Variants in ARHGAP10 observed in about 807,000 individuals in gnomAD.
The protein encoded by ARHGAP10 is Rho GTPase activating protein 10, also known as rho GTPase-activating protein 10.
Under a neutral mutation model 108.6 loss-of-function variants are expected in ARHGAP10, and 87 were observed. The observed-to-expected ratio is 0.80, with a 90% CI of 0.67 to 0.96. The LOEUF (loss-of-function observed/expected upper bound fraction) is 0.96, where lower values mean the gene tolerates loss of function less well. ARHGAP10 is among the 40% of genes least tolerant of loss of function. The pLI is 0.00. For missense variants in ARHGAP10, 939 were observed against 954.5 expected, an observed-to-expected ratio of 0.98 and a Z score of 0.21; for synonymous variants, 347 against 341.1, an observed-to-expected ratio of 1.02 and a Z score of -0.19.
chr4:147,744,128 T>C (rs1222127445), intron 1 of ARHGAP10, among the ~76,000 whole-genome samples: 1 of 152,156 alleles, frequency 6.6e-6, no homozygotes, highest in Non-Finnish European at 1.5e-5. Context: ...GTTGAATCAG[T>C]ATGGGATGCG....
chr4:147,873,922 C>T (rs1015035820), intron 7 of ARHGAP10, among the ~76,000 whole-genome samples: 3 of 151,070 alleles, frequency 2.0e-5, no homozygotes, highest in East Asian at 1.9e-4. Flanking sequence ...AAATGGAAGG[C>T]GAGAGGGAAC....
chr4:147,943,813 T>G (rs1397984276), intron 14 of ARHGAP10, among the ~76,000 whole-genome samples: 1 of 152,218 alleles, frequency 6.6e-6, no homozygotes, highest in Non-Finnish European at 1.5e-5. Context: ...TCACTGATTC[T>G]AAAGGACTGC....
chr4:147,872,152 C>G (rs1168198583), intron 7 of ARHGAP10, among the ~76,000 whole-genome samples: 1 of 149,162 alleles, frequency 6.7e-6, no homozygotes, highest in African/African-American at 2.5e-5. Flanking sequence ...AAATAAACCT[C>G]TGAGGAAGTT....
chr4:148,016,542 T>G (rs1317070360), intron 18 of ARHGAP10, among the ~76,000 whole-genome samples: 4 of 149,182 alleles, frequency 2.7e-5, no homozygotes, highest in Middle Eastern at 3.4e-3. Context: ...ATGCAAATTG[T>G]TTTTTTCTCT....
At position 147,912,548 on chromosome 4, in the gene ARHGAP10, AATATATATATATATAT is replaced by A. The variant is rs59663731; in HGVS notation, c.1163-490_1163-475del. On this transcript the variant is annotated intron_variant, in intron 12 of 22. Coordinates refer to ENST00000336498, the MANE Select transcript of ARHGAP10 (RefSeq NM_024605.4). ...AAAACAAAAAACAAACAAACAAACAAATATATATATATATATATATATATATATATATATATATATA... is the reference window on the plus strand; with the variant it reads ...AAAACAAAAAACAAACAAACAAACAAATATATATATATATATATATATATA... 2.9e-3 allele frequency among the ~76,000 whole-genome samples: 345 copies of A among 120,280 alleles called. 4 individuals are homozygous for A. Among genetic ancestry groups the A allele is most frequent in the African/African-American group, 7.0e-3 (184 of 26,448 alleles). 78.9% of individuals were successfully genotyped at this position (120,280 alleles called of 152,430 possible). A position where few individuals can be genotyped will look rare whatever the true frequency, so the allele number is the denominator to read the frequency against.
At chr4:147,884,881 G>A (rs952576654) in intron 10 of ARHGAP10, among the ~76,000 whole-genome samples, 1 of 152,188 alleles carries the variant, frequency 6.6e-6, no homozygotes, top group African/African-American at 2.4e-5. Flanking sequence ...TTTAAGCAGG[G>A]CAGTGAGTGA....
At chr4:147,997,893 A>G (rs554984965) in intron 18 of ARHGAP10, among the ~76,000 whole-genome samples, 70 of 152,332 alleles carry the variant, frequency 4.6e-4, no homozygotes, top group African/African-American at 1.6e-3. Context: ...TCCCAGTAAT[A>G]AGGAATTTTT....
intron 17 of ARHGAP10, among the ~76,000 whole-genome samples, chr4:147,965,934 A>G (rs1368636919): frequency 6.6e-6 from 1 of 152,258 alleles, no homozygotes; most frequent in Non-Finnish European, 1.5e-5. Context: ...GACAGAATAT[A>G]TTGAGTGTGA....
At chr4:147,834,843 C>T (rs1475830892) in intron 3 of ARHGAP10, among the ~76,000 whole-genome samples, 2 of 151,488 alleles carry the variant, frequency 1.3e-5, no homozygotes, top group Non-Finnish European at 2.9e-5. Context: ...TCTGATGGCC[C>T]CTCCAGTCTT....
chr4:147,843,822 TTTC>T (rs1190075740), intron 3 of ARHGAP10, among the ~76,000 whole-genome samples: 4 of 152,216 alleles, frequency 2.6e-5, no homozygotes, highest in Admixed American at 1.3e-4. Flanking sequence ...CCTGAACCCC[TTTC>T]TTCTTTTATC....
chr4:147,881,598 AC>A (rs1484711895), intron 9 of ARHGAP10, among the ~76,000 whole-genome samples: 1 of 152,262 alleles, frequency 6.6e-6, no homozygotes, highest in East Asian at 1.9e-4. Flanking sequence ...AGATCCTGCC[AC>A]TGCACTCCAG....
At chr4:148,056,040 C>G (rs1729350318) in intron 20 of ARHGAP10, among the ~76,000 whole-genome samples, 2 of 152,218 alleles carry the variant, frequency 1.3e-5, no homozygotes, top group Non-Finnish European at 2.9e-5. Context: ...TGGAACACAG[C>G]TACACTTAGT....
At chr4:147,755,276 A>G (rs1729320724) in intron 1 of ARHGAP10, among the ~76,000 whole-genome samples, 1 of 152,158 alleles carries the variant, frequency 6.6e-6, no homozygotes. Flanking sequence ...ATTTTCTCTT[A>G]CATAACCAGT....
At chr4:148,031,958 G>T (rs1262418218) in intron 19 of ARHGAP10, among the ~76,000 whole-genome samples, 1 of 152,066 alleles carries the variant, frequency 6.6e-6, no homozygotes, top group Non-Finnish European at 1.5e-5. Context: ...CAAACATCTG[G>T]TCATGGATTG....
In ARHGAP10 at chr4:147,799,641, A is replaced by C. The variant is rs139155111; in HGVS notation, c.155-23086A>C. On this transcript the variant is annotated intron_variant, in intron 1 of 22. Coordinates refer to ENST00000336498, the MANE Select transcript of ARHGAP10 (RefSeq NM_024605.4). Reference sequence around the variant, plus strand: ...GTGAGTTTTTGTTACTGTACTTTTCAGTTGTATAATTTATATTTGGTTTTT... The same window carrying C: ...GTGAGTTTTTGTTACTGTACTTTTCCGTTGTATAATTTATATTTGGTTTTT... Among the ~76,000 whole-genome samples, 451 of 152,226 alleles carry C rather than the reference A, an allele frequency of 3.0e-3. 4 individuals carry two copies. Among genetic ancestry groups the C allele is most frequent in the East Asian group, 6.8e-3 (35 of 5,178 alleles).
At chr4:147,823,179 T>G (rs1732576258) in intron 3 of ARHGAP10, among the ~76,000 whole-genome samples, 1 of 152,228 alleles carries the variant, frequency 6.6e-6, no homozygotes, top group African/African-American at 2.4e-5. Context: ...ACCAAGGCCT[T>G]ACTTCTTCAT....
intron 13 of ARHGAP10, among the ~76,000 whole-genome samples, chr4:147,925,363 A>T (rs960239928): frequency 6.6e-6 from 1 of 152,226 alleles, no homozygotes; most frequent in Non-Finnish European, 1.5e-5. Context: ...CCATCTCTGC[A>T]GCAGAGGAAT....
intron 1 of ARHGAP10, among the ~76,000 whole-genome samples, chr4:147,751,318 A>G (rs1235693063): frequency 6.6e-6 from 1 of 152,116 alleles, no homozygotes; most frequent in African/African-American, 2.4e-5. Context: ...GTTTACTGGA[A>G]TTAATGATAA....
chr4:147,870,028 G>C (rs1355043236), intron 7 of ARHGAP10, among the ~76,000 whole-genome samples: 5 of 151,638 alleles, frequency 3.3e-5, no homozygotes, highest in Non-Finnish European at 4.4e-5. Context: ...GTGTGTGTGT[G>C]TGTGTGTGTG....
Sources: allele counts gnomAD v4.1 joint callset (sites outside exome capture counted in the v4.1 genomes callset), GRCh38; gene constraint gnomAD v4.1.1; transcripts MANE v1.5; gene names NCBI Gene and HGNC (gene_info 2026-07-23, HGNC 2026-07-21).